Variants in PIK3R4 observed in about 807,000 individuals in gnomAD.
PIK3R4 encodes phosphoinositide 3-kinase regulatory subunit 4.
PIK3R4 carries 46 observed loss-of-function variants against 136.5 expected under a neutral mutation model. The ratio of observed to expected loss-of-function variants is 0.34; its 90% CI spans 0.27 to 0.43. The LOEUF (loss-of-function observed/expected upper bound fraction) is 0.43. Among genes scored for constraint, PIK3R4 ranks in the 20% least tolerant of loss-of-function variants. PIK3R4 has a pLI of 1.00. For synonymous variants in PIK3R4, 557 were observed against 566.7 expected, an observed-to-expected ratio of 0.98 and a Z score of 0.24; for missense variants, 1,331 against 1,649.5, an observed-to-expected ratio of 0.81 and a Z score of 3.35.
At position 130,718,543 on chromosome 3, in the gene PIK3R4, G is replaced by A. The variant is rs2066680047; in HGVS notation, c.1982-9C>T. On this transcript the variant is annotated splice_polypyrimidine_tract_variant and intron_variant, in intron 7 of 19. Transcript: ENST00000356763. ...ATGACACAGGAAGGGGGCTAAAGAG[G>A]AAAAGAAAAGGTAGGGATCAAATAA... 1.2e-6 allele frequency: 2 copies of A among 1,613,206 alleles called. No homozygotes were observed. The highest frequency in any genetic ancestry group is 4.5e-5 in the East Asian group (2 of 44,856).
chr3:130,721,954 T>C (rs1378159552), intron 7 of PIK3R4, among the ~76,000 whole-genome samples: 3 of 152,158 alleles, frequency 2.0e-5, no homozygotes, highest in African/African-American at 7.2e-5. Context: ...TTGCCATAAT[T>C]ACTTCACAAA....
At position 130,684,272 on chromosome 3, in the gene PIK3R4, C is replaced by T; in HGVS notation, c.3585G>A (p.Leu1195=). The T allele has an allele frequency of 2.5e-6, 4 of 1,613,372 alleles. No homozygotes were observed. The highest frequency in any genetic ancestry group is 2.2e-5 in the East Asian group (1 of 44,858). ...ARIRRLSMHP[L]YQSWVIAAVQ... Reference sequence around the variant, plus strand: ...TACCTGCAATCACCCAGGACTGATACAGAGGGTGCATTGAGAGGCGTCTGA... The same window carrying T: ...TACCTGCAATCACCCAGGACTGATATAGAGGGTGCATTGAGAGGCGTCTGA... The change falls in exon 16 of 20, where the codon CTG becomes CTA. Residue 1195 remains leucine, a synonymous_variant. Coordinates refer to ENST00000356763, the MANE Select transcript of PIK3R4 (RefSeq NM_014602.3).
intron 13 of PIK3R4, among the ~76,000 whole-genome samples, chr3:130,694,917 T>C (rs2066537713): frequency 6.6e-6 from 1 of 152,134 alleles, no homozygotes; most frequent in Admixed American, 6.5e-5. Flanking sequence ...GCTGTAGGGT[T>C]TTTTGTTGTA....
chr3:130,727,809 C>A (rs2066741490), intron 6 of PIK3R4, among the ~76,000 whole-genome samples: 1 of 151,886 alleles, frequency 6.6e-6, no homozygotes, highest in Non-Finnish European at 1.5e-5. Flanking sequence ...ATGACTTAAC[C>A]CATGCAAAAT....
intron 19 of PIK3R4, among the ~76,000 whole-genome samples, chr3:130,679,800 A>G (rs1049310657): frequency 1.3e-5 from 2 of 152,200 alleles, no homozygotes; most frequent in African/African-American, 2.4e-5. Flanking sequence ...TGTATAGGCC[A>G]GGCGCGGTGG....
intron 10 of PIK3R4, 39 bp from the exon 11 acceptor site, chr3:130,707,174 C>T (rs776845535): frequency 1.4e-6 from 2 of 1,449,132 alleles, no homozygotes; most frequent in Admixed American, 4.0e-5. Context: ...CTGAAGGTAG[C>T]CTTTAAAACC....
chr3:130,723,256 T>C (rs572895232), intron 7 of PIK3R4, among the ~76,000 whole-genome samples, 158 bp downstream of exon 7: 2 of 151,926 alleles, frequency 1.3e-5, no homozygotes, highest in East Asian at 3.9e-4. Flanking sequence ...CATATAAGCA[T>C]GCACACATAC....
chr3:130,722,043 GA>G (rs140015441), intron 7 of PIK3R4, among the ~76,000 whole-genome samples: 4,902 of 149,876 alleles, frequency 0.033, 101 homozygotes, highest in African/African-American at 0.036. Context: ...TAAAGCTGGG[GA>G]AAAAAAAATC....
At chr3:130,718,292 A>G (rs2066677941) in intron 8 of PIK3R4, 97 bp downstream of exon 8, 1 of 1,035,488 alleles carries the variant, frequency 9.7e-7, no homozygotes, top group Non-Finnish European at 1.4e-6. Context: ...CAATTTAAAT[A>G]CTTAAAAAAT....
chr3:130,740,792 T>C (rs1156399686), intron 2 of PIK3R4, among the ~76,000 whole-genome samples: 1 of 151,710 alleles, frequency 6.6e-6, no homozygotes, highest in African/African-American at 2.4e-5. Flanking sequence ...TAAAGGGCCA[T>C]AATATATGTA....
At chr3:130,683,046 A>T (rs1482328224) in intron 16 of PIK3R4, among the ~76,000 whole-genome samples, 2 of 152,184 alleles carry the variant, frequency 1.3e-5, no homozygotes, top group African/African-American at 4.8e-5. Context: ...AATTCTGGCT[A>T]TACTTTAAAA....
intron 13 of PIK3R4, among the ~76,000 whole-genome samples, chr3:130,690,988 C>G (rs1480194954): frequency 6.6e-6 from 1 of 150,694 alleles, no homozygotes; most frequent in African/African-American, 2.5e-5. Context: ...ACTGCAGCCT[C>G]GACCTCCTGG....
intron 6 of PIK3R4, among the ~76,000 whole-genome samples, chr3:130,725,585 GAA>G (rs34809976): frequency 1.4e-5 from 2 of 144,346 alleles, no homozygotes; most frequent in East Asian, 2.0e-4. Context: ...TACAAAAGTA[GAA>G]AAAAAAAAAT....
In PIK3R4 at chr3:130,733,592, T is replaced by G. The variant is rs1255780810; in HGVS notation, c.1406A>C (p.His469Pro). 4 of 1,614,044 alleles carry G rather than the reference T, an allele frequency of 2.5e-6. No homozygotes were observed. Among genetic ancestry groups the G allele is most frequent in the South Asian group, 2.2e-5 (2 of 91,084 alleles). Residue 469 changes from histidine (H) to proline (P), a missense_variant, in exon 4 of 20, where the codon CAC becomes CCC. By Grantham distance (77) the His-to-Pro change is moderately conservative. Around this residue, in one of 2 missense-constraint regions of PIK3R4, gnomAD observed 1,180 missense variants for 1,407.0 expected, o/e 0.84. Transcript: ENST00000356763. ...GATAGTAGCATCATCTTGGGCTAAG[T>G]GGGCTATGCCTGGCAGAATGTATTC... is the stretch of plus-strand genomic sequence containing the variant. ...YPEYILPGIA[H>P]LAQDDATIVR... is the part of the protein sequence containing the mutation.
In PIK3R4 at chr3:130,718,465, C is replaced by T. The variant is rs779956493; in HGVS notation, c.2051G>A (p.Arg684His). 1.4e-5 allele frequency: 22 copies of T among 1,613,598 alleles called. No homozygotes were observed. Among genetic ancestry groups the T allele is most frequent in the Admixed American group, 3.3e-5 (2 of 60,008 alleles). ...GAVGFITVVARQISTADVYCK... is the reference protein window; with the variant it reads ...GAVGFITVVAHQISTADVYCK... The stretch of plus-strand genomic sequence containing the variant: ...GTAGACATCAGCTGTACTTATTTGA[C>T]GAGCTACCACTGTGATAAATCCCAC... The change falls in exon 8 of 20, where the codon CGT (arginine) becomes CAT (histidine). Residue 684 changes from arginine to histidine, a missense_variant. This residue lies in a region of PIK3R4 where 1,180 missense variants were observed against 1,407.0 expected (regional missense o/e 0.84). Coordinates refer to ENST00000356763, the MANE Select transcript of PIK3R4 (RefSeq NM_014602.3).
At chr3:130,740,020 A>G (rs996105141) in intron 2 of PIK3R4, among the ~76,000 whole-genome samples, 17 of 152,236 alleles carry the variant, frequency 1.1e-4, no homozygotes, top group African/African-American at 4.1e-4. Flanking sequence ...TAATGCACCT[A>G]TGGCAACTCC....
rs1266641085 is a variant in PIK3R4, at chr3:130,723,520, A to G, written c.1875T>C (p.Ser625=). The G allele has an allele frequency of 3.1e-6, 5 of 1,614,130 alleles. No individual in the cohort carries two copies. The highest frequency in any genetic ancestry group is 4.2e-6 in the Non-Finnish European group (5 of 1,179,982). The change falls in exon 7 of 20, where the codon AGT becomes AGC. Residue 625 remains serine, a synonymous_variant. Coordinates refer to ENST00000356763, the MANE Select transcript of PIK3R4 (RefSeq NM_014602.3). The part of the protein sequence containing the change: ...ILKPLLQQGL[S]DAEEFVIVKA... ...TCACAATGACAAATTCCTCAGCATCACTAAGACCTTGTTGCAGCAGAGGCT... is the reference window on the plus strand; with the variant it reads ...TCACAATGACAAATTCCTCAGCATCGCTAAGACCTTGTTGCAGCAGAGGCT...
chr3:130,717,567 T>TAA (rs143049326), intron 8 of PIK3R4, among the ~76,000 whole-genome samples: 44,989 of 151,680 alleles, frequency 0.3, 7,737 homozygotes, highest in African/African-American at 0.47. Flanking sequence ...CTCTATGAAA[T>TAA]AGAATGATAA....
In PIK3R4 at chr3:130,728,701, A is replaced by AC. The variant is rs1255535337; in HGVS notation, c.1586-18_1586-17insG. The stretch of plus-strand genomic sequence containing the variant: ...CTTGGAGCTCTAAAAAAAAAAAAAA[A>AC]AGAAAGAAAGAAAGAAAGAAAAGAA... On this transcript the variant is annotated splice_polypyrimidine_tract_variant and intron_variant, in intron 5 of 19. Coordinates refer to ENST00000356763, the MANE Select transcript of PIK3R4 (RefSeq NM_014602.3). The AC allele has an allele frequency of 7.2e-7, 1 of 1,387,304 alleles. No homozygotes were observed. The highest frequency in any genetic ancestry group is 9.8e-7 in the Non-Finnish European group (1 of 1,019,726). 85.9% of individuals were successfully genotyped at this position (1,387,304 alleles called of 1,614,324 possible).
Sources: allele counts gnomAD v4.1 joint callset (sites outside exome capture counted in the v4.1 genomes callset), GRCh38; gene constraint gnomAD v4.1.1; regional missense constraint gnomAD v4.1.1; transcripts MANE v1.5; gene names NCBI Gene and HGNC (gene_info 2026-07-23, HGNC 2026-07-21).